KIFAP3: variants seen among roughly 807,000 people sequenced by gnomAD.
KIFAP3 encodes the protein kinesin associated protein 3.
A neutral mutation model predicts 106.5 loss-of-function variants in KIFAP3; 68 were observed. The ratio of observed to expected loss-of-function variants is 0.64; its 90% confidence interval spans 0.53 to 0.78. The LOEUF (loss-of-function observed/expected upper bound fraction) is 0.78. Ranked by LOEUF, KIFAP3 falls within the 30% of genes least tolerant of loss-of-function variation. The probability of loss-of-function intolerance (pLI) is 0.00; values close to 1 mark genes in which losing one functional copy is unlikely to be tolerated. For synonymous variants in KIFAP3, 320 were observed against 311.5 expected, an observed-to-expected ratio of 1.03 and a Z score of -0.29; for missense variants, 780 against 941.8, an observed-to-expected ratio of 0.83 and a Z score of 2.25.
At chr1:169,956,252 T>A (rs1201197650) in intron 18 of KIFAP3, among the ~76,000 whole-genome samples, 1 of 152,132 alleles carries the variant, frequency 6.6e-6, no homozygotes, top group African/African-American at 2.4e-5. Context: ...AAGAAATATT[T>A]CATAAATAAA....
At chr1:169,972,484 T>A in intron 17 of KIFAP3, 29 bp downstream of exon 17, 1 of 1,078,742 alleles carries the variant, frequency 9.3e-7, no homozygotes, top group Non-Finnish European at 1.4e-6. Flanking sequence ...AAGTCAATTA[T>A]ACTTTGTGTA....
rs11552890 is a variant in KIFAP3 at position 170,074,488 on chromosome 1, G to C, written c.-21C>G. 1 of 1,599,098 alleles carries C rather than the reference G, an allele frequency of 6.3e-7. No individual in the cohort carries two copies. Among genetic ancestry groups the C allele is most frequent in the Non-Finnish European group, 8.6e-7 (1 of 1,167,838 alleles). On this transcript the variant is annotated 5_prime_UTR_variant, in exon 1 of 20. Coordinates refer to ENST00000361580, the MANE Select transcript of KIFAP3 (RefSeq NM_014970.4). ...TGCATGGCGGCAGCGGCAGCGGCGT[G>C]GAGAGGATGGGGTATCTTGAGAGGC...
intron 19 of KIFAP3, among the ~76,000 whole-genome samples, chr1:169,924,075 T>A (rs970350476): frequency 6.6e-6 from 1 of 152,238 alleles, no homozygotes; most frequent in African/African-American, 2.4e-5. Flanking sequence ...AATAATAAAC[T>A]TAGATATTAC....
chr1:170,064,928 T>G (rs1671360116), intron 1 of KIFAP3, among the ~76,000 whole-genome samples: 1 of 152,246 alleles, frequency 6.6e-6, no homozygotes, highest in Admixed American at 6.5e-5. Context: ...AGCCTGCAAT[T>G]TTCCTTTCTA....
intron 1 of KIFAP3, among the ~76,000 whole-genome samples, chr1:170,065,351 C>T (rs951391416): frequency 1.6e-4 from 24 of 151,988 alleles, no homozygotes; most frequent in Admixed American, 1.0e-3. Context: ...CAGTGGCTCA[C>T]GCCTGTAATC....
chr1:170,028,100 GAC>G (rs1287293550), intron 8 of KIFAP3, among the ~76,000 whole-genome samples: 1 of 151,848 alleles, frequency 6.6e-6, no homozygotes, highest in Non-Finnish European at 1.5e-5. Flanking sequence ...GACTTTTTTA[GAC>G]ACACAAAAGA....
At chr1:169,936,712 A>T (rs1434498065) in intron 19 of KIFAP3, among the ~76,000 whole-genome samples, 3 of 151,666 alleles carry the variant, frequency 2.0e-5, no homozygotes, top group African/African-American at 7.2e-5. Context: ...GAAGTAAGTC[A>T]ATGAATGACA....
At chr1:170,053,328 C>A (rs1278828893) in intron 2 of KIFAP3, among the ~76,000 whole-genome samples, 1 of 152,062 alleles carries the variant, frequency 6.6e-6, no homozygotes, top group African/African-American at 2.4e-5. Context: ...CAAACTGCTT[C>A]TCAAGAAAAT....
intron 2 of KIFAP3, among the ~76,000 whole-genome samples, chr1:170,047,743 C>T (rs1342249107): frequency 6.6e-6 from 1 of 151,810 alleles, no homozygotes; most frequent in Admixed American, 6.6e-5. Context: ...TTAGCCAACA[C>T]CTCCCTCCTT....
At chr1:169,961,736 T>C (rs935358438) in intron 17 of KIFAP3, among the ~76,000 whole-genome samples, 1 of 152,180 alleles carries the variant, frequency 6.6e-6, no homozygotes, top group Non-Finnish European at 1.5e-5. Context: ...TTATGATGAT[T>C]CACTTCCACT....
intron 16 of KIFAP3, among the ~76,000 whole-genome samples, chr1:169,976,763 C>T (rs180835065): frequency 3.3e-5 from 5 of 152,292 alleles, no homozygotes; most frequent in Admixed American, 2.6e-4. Context: ...GCCACCCAGG[C>T]TAGAATGCAG....
At chr1:170,029,438 G>A (rs1036703700) in intron 8 of KIFAP3, among the ~76,000 whole-genome samples, 1 of 151,938 alleles carries the variant, frequency 6.6e-6, no homozygotes, top group Non-Finnish European at 1.5e-5. Flanking sequence ...AGAGAAACTG[G>A]AAAGTATTTA....
At chr1:170,062,929 G>T (rs12137873) in intron 1 of KIFAP3, among the ~76,000 whole-genome samples, 9,569 of 151,778 alleles carry the variant, frequency 0.063, 386 homozygotes, top group Non-Finnish European at 0.095. Flanking sequence ...GCAAAAATGG[G>T]AATGAAACCA....
At chr1:170,034,032 A>G (rs1239981336) in intron 7 of KIFAP3, among the ~76,000 whole-genome samples, 5 of 151,848 alleles carry the variant, frequency 3.3e-5, no homozygotes, top group African/African-American at 1.2e-4. Flanking sequence ...GTATATAAGC[A>G]GCAGTGGTGG....
At chr1:169,959,643 A>T (rs909614108) in intron 18 of KIFAP3, among the ~76,000 whole-genome samples, 1 of 152,160 alleles carries the variant, frequency 6.6e-6, no homozygotes, top group African/African-American at 2.4e-5. Flanking sequence ...TTGTATTAAA[A>T]CAACAATGAT....
intron 1 of KIFAP3, among the ~76,000 whole-genome samples, chr1:170,083,112 A>T (rs1057022094): frequency 6.6e-6 from 1 of 152,184 alleles, no homozygotes; most frequent in Admixed American, 6.5e-5. Flanking sequence ...AAAGATCCAT[A>T]AGCTTTTAAT....
At chr1:169,964,377 G>A (rs1367704473) in intron 17 of KIFAP3, among the ~76,000 whole-genome samples, 1 of 152,146 alleles carries the variant, frequency 6.6e-6, no homozygotes, top group Non-Finnish European at 1.5e-5. Context: ...TAAGCCTCGG[G>A]CCAGCAATGT....
chr1:169,946,273 G>A (rs1664434591), intron 19 of KIFAP3, among the ~76,000 whole-genome samples: 1 of 151,984 alleles, frequency 6.6e-6, no homozygotes, highest in African/African-American at 2.4e-5. Flanking sequence ...ATAATTTAAA[G>A]GTAGTGAACT....
intron 10 of KIFAP3, among the ~76,000 whole-genome samples, chr1:170,004,570 G>A (rs1480841504): frequency 6.6e-6 from 1 of 152,082 alleles, no homozygotes; most frequent in Non-Finnish European, 1.5e-5. Flanking sequence ...ACAACTATCT[G>A]ATCTTTGACA....
Sources: gnomAD v4.1 joint callset for allele counts (sites outside exome capture counted in the v4.1 genomes callset) on GRCh38, gnomAD v4.1.1 for gene constraint, MANE v1.5 for transcripts, NCBI Gene and HGNC (gene_info 2026-07-23, HGNC 2026-07-21) for gene names.